CTNNA2: variants seen among roughly 807,000 people sequenced by gnomAD.
CTNNA2 encodes the protein catenin alpha 2, also known as catenin alpha-2.
Under a neutral mutation model 101.0 loss-of-function variants are expected in CTNNA2, and 42 were observed. That is an observed-to-expected ratio of 0.42 (90% confidence interval 0.32 to 0.54). The LOEUF is 0.54. CTNNA2 is among the 20% of genes least tolerant of loss of function. The pLI is 0.14. For missense variants in CTNNA2, 871 were observed against 1,223.1 expected, an observed-to-expected ratio of 0.71 and a Z score of 4.29; for synonymous variants, 450 against 456.4, an observed-to-expected ratio of 0.99 and a Z score of 0.18.
chr2:79,687,430 G>C, intron 2 of CTNNA2: 1 of 499,342 alleles, frequency 2.0e-6, no homozygotes, highest in Non-Finnish European at 3.5e-6. Context: ...TCCATAAAAG[G>C]TCATTTGGAT....
In CTNNA2 at chr2:80,236,227, T is replaced by C. The variant is rs189638070; in HGVS notation, c.1057-156984T>C. Among the ~76,000 whole-genome samples the C allele has an allele frequency of 1.6e-4, 25 of 152,302 alleles. No individual in the cohort carries two copies. The East Asian group carries it at 4.6e-3, about 28-fold the overall frequency. ...GGTCTGTCACTGATGGGCATATAGGTTGATTCCATGTCTGTGCTATTGTGA... is the reference window on the plus strand; with the variant it reads ...GGTCTGTCACTGATGGGCATATAGGCTGATTCCATGTCTGTGCTATTGTGA... On this transcript the variant is annotated intron_variant, in intron 7 of 18. Transcript: ENST00000402739.
intron 2 of CTNNA2, among the ~76,000 whole-genome samples, chr2:79,231,016 G>A (rs1489701657): frequency 6.6e-6 from 1 of 152,130 alleles, no homozygotes; most frequent in African/African-American, 2.4e-5. Context: ...TAATTTTACA[G>A]GCTCATAGGG....
At chr2:79,364,166 A>G (rs573175833) in intron 3 of CTNNA2, among the ~76,000 whole-genome samples, 2 of 152,306 alleles carry the variant, frequency 1.3e-5, no homozygotes, top group Admixed American at 6.5e-5. Context: ...TTGATTGTCA[A>G]TAAAGGAGGA....
intron 9 of CTNNA2, among the ~76,000 whole-genome samples, chr2:80,434,626 T>C (rs1004704568): frequency 1.3e-5 from 2 of 151,580 alleles, no homozygotes; most frequent in African/African-American, 2.4e-5. Context: ...TGGGACTGCA[T>C]GGCTAATTTG....
chr2:79,248,160 C>G (rs1674721980), intron 2 of CTNNA2, among the ~76,000 whole-genome samples: 1 of 152,062 alleles, frequency 6.6e-6, no homozygotes, highest in Admixed American at 6.6e-5. Flanking sequence ...CTTGCTTTTA[C>G]CATTTGTAAT....
intron 8 of CTNNA2, among the ~76,000 whole-genome samples, chr2:80,418,110 G>A (rs562642722): frequency 6.6e-6 from 1 of 152,146 alleles, no homozygotes; most frequent in Non-Finnish European, 1.5e-5. Flanking sequence ...TTGTGGGCCT[G>A]TTCTGGAAGA....
At chr2:79,224,966 CTTA>C (rs1311289641) in intron 2 of CTNNA2, among the ~76,000 whole-genome samples, 6 of 151,086 alleles carry the variant, frequency 4.0e-5, no homozygotes, top group African/African-American at 9.7e-5. Flanking sequence ...TTTTTTCTTT[CTTA>C]TTGTTGGATA....
At chr2:79,957,397 G>A (rs549526663) in intron 7 of CTNNA2, among the ~76,000 whole-genome samples, 37 of 152,134 alleles carry the variant, frequency 2.4e-4, no homozygotes, top group Non-Finnish European at 4.1e-4. Context: ...GCACCAGCAG[G>A]AGATGGAGGA....
intron 7 of CTNNA2, among the ~76,000 whole-genome samples, chr2:80,043,093 T>TTCTTTCTTTCTTTC (rs1345346543): frequency 3.1e-5 from 1 of 32,708 alleles, no homozygotes; most frequent in Non-Finnish European, 5.9e-5. Context: ...CTTTCTTTCT[T>TTCTTTCTTTCTTTC]TCTCTCTCTC....
chr2:79,340,931 G>C (rs1379964028), intron 3 of CTNNA2, among the ~76,000 whole-genome samples: 2 of 128,312 alleles, frequency 1.6e-5, no homozygotes, highest in Non-Finnish European at 3.4e-5. Flanking sequence ...TAGTAAAAAA[G>C]AAAAATCACA....
At chr2:79,440,010 TA>T (rs1678759786) in intron 4 of CTNNA2, among the ~76,000 whole-genome samples, 1 of 152,276 alleles carries the variant, frequency 6.6e-6, no homozygotes, top group South Asian at 2.1e-4. Context: ...AGTTTCATTA[TA>T]AGGCATATTA....
Position 80,382,467 on chromosome 2 carries a change from C to T in CTNNA2, c.1057-10744C>T, listed in dbSNP as rs113952605. 4.9e-4 allele frequency among the ~76,000 whole-genome samples: 74 copies of T among 152,178 alleles called. 1 individual carries two copies. The highest frequency in any genetic ancestry group is 1.7e-3 in the African/African-American group (70 of 41,532). ...GACATCGGAAATTCAATTAACAATG[C>T]AAGAGGTTTGCACAATATAGAATTA... On this transcript the variant is annotated intron_variant, in intron 7 of 18. Coordinates refer to ENST00000402739, the MANE Select transcript of CTNNA2 (RefSeq NM_001282597.3).
At chr2:80,108,720 C>T (rs888616215) in intron 7 of CTNNA2, among the ~76,000 whole-genome samples, 3 of 152,144 alleles carry the variant, frequency 2.0e-5, no homozygotes, top group Non-Finnish European at 4.4e-5. Flanking sequence ...AGCAGCTTTC[C>T]CAAGGTCATC....
chr2:79,479,602 C>T (rs936144986), intron 4 of CTNNA2, among the ~76,000 whole-genome samples: 3 of 152,084 alleles, frequency 2.0e-5, no homozygotes, highest in African/African-American at 2.4e-5. Context: ...TATAAAACCA[C>T]GTGTTTTAGT....
At chr2:79,471,293 A>G (rs1670995705) in intron 4 of CTNNA2, among the ~76,000 whole-genome samples, 1 of 152,162 alleles carries the variant, frequency 6.6e-6, no homozygotes, top group African/African-American at 2.4e-5. Context: ...AAAATACTAT[A>G]GTCTTAGTGG....
intron 14 of CTNNA2, among the ~76,000 whole-genome samples, chr2:80,582,341 T>C (rs920963720): frequency 3.3e-5 from 5 of 152,198 alleles, no homozygotes; most frequent in African/African-American, 1.2e-4. Flanking sequence ...TAGAGAACTT[T>C]TTCTTTCCTC....
intron 9 of CTNNA2, among the ~76,000 whole-genome samples, chr2:80,454,024 A>T (rs565264642): frequency 6.6e-6 from 1 of 152,324 alleles, no homozygotes; most frequent in African/African-American, 2.4e-5. Context: ...CTTGAGAAAA[A>T]GAAAAAAAAA....
chr2:79,902,927 C>G (rs1685165825), intron 6 of CTNNA2, among the ~76,000 whole-genome samples: 1 of 152,136 alleles, frequency 6.6e-6, no homozygotes, highest in South Asian at 2.1e-4. Context: ...GCCCGGTCAG[C>G]AAATGTTTTC....
chr2:79,532,964 C>G (rs977549965), intron 1 of CTNNA2, among the ~76,000 whole-genome samples: 1 of 152,008 alleles, frequency 6.6e-6, no homozygotes, highest in Non-Finnish European at 1.5e-5. Flanking sequence ...CTAAGGGAAC[C>G]CTCTTCCCTG....
Sources: allele counts gnomAD v4.1 joint callset (sites outside exome capture counted in the v4.1 genomes callset), GRCh38; gene constraint gnomAD v4.1.1; transcripts MANE v1.5; gene names NCBI Gene and HGNC (gene_info 2026-07-23, HGNC 2026-07-21).